The following UBR3 variants were observed in gnomAD, a reference collection of about 807,000 sequenced individuals.
UBR3 encodes the protein ubiquitin protein ligase E3 component n-recognin 3, also known as E3 ubiquitin-protein ligase UBR3.
UBR3 carries 85 observed loss-of-function variants against 243.2 expected under a neutral mutation model. The observed-to-expected ratio is 0.35, with a 90% CI of 0.29 to 0.42. The LOEUF is 0.42. Among genes scored for constraint, UBR3 ranks in the 10% least tolerant of loss-of-function variants. UBR3 has a pLI of 1.00. For synonymous variants in UBR3, 748 were observed against 799.8 expected (o/e 0.94, Z 1.09); for missense variants, 1,686 against 2,300.8 (o/e 0.73, Z 5.47).
At chr2:170,023,863 A>G (rs772416348) in intron 30 of UBR3, among the ~76,000 whole-genome samples, 13 of 152,100 alleles carry the variant, frequency 8.5e-5, no homozygotes, top group Non-Finnish European at 2.9e-5. Flanking sequence ...GGCGTAAGCC[A>G]TTGTGCCCGG....
intron 32 of UBR3, among the ~76,000 whole-genome samples, chr2:170,042,733 G>A (rs1197639501): frequency 9.0e-6 from 1 of 111,016 alleles, no homozygotes; most frequent in Non-Finnish European, 2.0e-5. Flanking sequence ...TTTTTTTTTT[G>A]TGGGGGATGT....
At chr2:169,965,883 G>T (rs1316359776) in intron 24 of UBR3, among the ~76,000 whole-genome samples, 2 of 152,028 alleles carry the variant, frequency 1.3e-5, no homozygotes, top group East Asian at 1.9e-4. Context: ...CCTTTTTATT[G>T]TGTCTATATC....
At chr2:169,901,384 T>A (rs2084815812) in intron 8 of UBR3, among the ~76,000 whole-genome samples, 1 of 152,196 alleles carries the variant, frequency 6.6e-6, no homozygotes, top group African/African-American at 2.4e-5. Context: ...CTTCAAACTT[T>A]GCCATACTAT....
In UBR3 at chr2:170,036,031, T is replaced by C. The variant is rs200595503; in HGVS notation, c.4557-4851T>C. On this transcript the variant is annotated intron_variant, in intron 31 of 38. Coordinates refer to ENST00000272793, the MANE Select transcript of UBR3 (RefSeq NM_172070.4). ...ATTAATCTTGTGTCCTGTAGCCTTG[T>C]TACAATCATTTATCAGTTCCAGGAG... Among the ~76,000 whole-genome samples the C allele has an allele frequency of 4.6e-5, 7 of 152,104 alleles. No homozygotes were observed. In the East Asian group the frequency reaches 1.4e-3, roughly 29 times the overall value.
intron 32 of UBR3, among the ~76,000 whole-genome samples, chr2:170,044,047 T>TTAA (rs2091027303): frequency 6.6e-6 from 1 of 152,164 alleles, no homozygotes; most frequent in African/African-American, 2.4e-5. Flanking sequence ...CTTAATTACA[T>TTAA]TAATTTTCCA....
At chr2:169,914,277 T>C (rs951850640) in intron 11 of UBR3, 131 bp downstream of exon 11, 14 of 414,570 alleles carry the variant, frequency 3.4e-5, no homozygotes, top group Middle Eastern at 6.0e-4. Flanking sequence ...AATGAACATA[T>C]TATTAGGCTT....
At chr2:169,835,055 G>A (rs1325153485) in intron 1 of UBR3, among the ~76,000 whole-genome samples, 1 of 152,116 alleles carries the variant, frequency 6.6e-6, no homozygotes. Context: ...CAGGTACAGA[G>A]TTTCAGTTTG....
intron 5 of UBR3, among the ~76,000 whole-genome samples, chr2:169,882,065 TAATATA>T (rs1281688076): frequency 1.2e-4 from 15 of 126,504 alleles, no homozygotes; most frequent in African/African-American, 4.0e-4. Context: ...TATACACATA[TAATATA>T]ATTATATATG....
chr2:169,936,686 A>G lies in UBR3; in HGVS notation c.2663+3678A>G, dbSNP rs569695353. ...TCCCTCCCCACTCCCCCCACCCCAC[A>G]ACAGGGCCCGGTGTGTGATGTTCCC... is the stretch of plus-strand genomic sequence containing the variant. On this transcript the variant is annotated intron_variant, in intron 19 of 38. Transcript: ENST00000272793. Among the ~76,000 whole-genome samples, 1,070 of 149,528 alleles carry G rather than the reference A, an allele frequency of 7.2e-3. 8 individuals carry two copies. Among genetic ancestry groups the G allele is most frequent in the South Asian group, 0.014 (63 of 4,632 alleles).
At chr2:169,916,325 C>T (rs1396268930) in intron 11 of UBR3, among the ~76,000 whole-genome samples, 1 of 152,120 alleles carries the variant, frequency 6.6e-6, no homozygotes. Flanking sequence ...TCTATAAATA[C>T]ATATTTATGT....
intron 30 of UBR3, among the ~76,000 whole-genome samples, chr2:170,023,710 AG>A (rs1379286758): frequency 6.6e-6 from 1 of 152,158 alleles, no homozygotes; most frequent in Admixed American, 6.5e-5. Flanking sequence ...CTCCTGCCTC[AG>A]CCTCCCGAGT....
intron 26 of UBR3, among the ~76,000 whole-genome samples, chr2:169,996,722 C>G (rs1241937574): frequency 1.7e-5 from 2 of 117,490 alleles, no homozygotes; most frequent in Non-Finnish European, 3.3e-5. Flanking sequence ...TAGATAGAGT[C>G]TCACTCCATC....
At chr2:169,853,720 G>T (rs952608665) in intron 1 of UBR3, among the ~76,000 whole-genome samples, 3 of 151,968 alleles carry the variant, frequency 2.0e-5, no homozygotes, top group Non-Finnish European at 2.9e-5. Context: ...AAAGTGCTGG[G>T]ATTATAGGAG....
chr2:170,021,518 G>T (rs948961459), intron 30 of UBR3, among the ~76,000 whole-genome samples: 2 of 152,014 alleles, frequency 1.3e-5, no homozygotes, highest in African/African-American at 4.8e-5. Flanking sequence ...ATTCATGAGG[G>T]CTTCCTCGTG....
chr2:169,983,803 T>C (rs10184860), intron 24 of UBR3, among the ~76,000 whole-genome samples: 27,012 of 152,190 alleles, frequency 0.18, 2,661 homozygotes, highest in East Asian at 0.37. Flanking sequence ...ATAAATTAAC[T>C]ATTGCTTTAG....
intron 2 of UBR3, among the ~76,000 whole-genome samples, chr2:169,872,766 T>G (rs1190099405): frequency 6.6e-6 from 1 of 152,078 alleles, no homozygotes; most frequent in African/African-American, 2.4e-5. Flanking sequence ...ATCAACTTTT[T>G]TTTAGAAGTC....
chr2:169,968,036 G>A (rs2087907229), intron 24 of UBR3, among the ~76,000 whole-genome samples: 1 of 151,846 alleles, frequency 6.6e-6, no homozygotes, highest in South Asian at 2.1e-4. Flanking sequence ...CATGCAGTGT[G>A]TAGAGATACT....
At chr2:170,040,404 C>T (rs1331215852) in intron 31 of UBR3, among the ~76,000 whole-genome samples, 2 of 152,184 alleles carry the variant, frequency 1.3e-5, no homozygotes, top group Non-Finnish European at 2.9e-5. Context: ...CTGTGCTCGG[C>T]TGAAACATTT....
chr2:169,874,789 A>G (rs1037070715), intron 2 of UBR3, among the ~76,000 whole-genome samples: 44 of 152,184 alleles, frequency 2.9e-4, no homozygotes, highest in African/African-American at 1.1e-3. Context: ...TAAATGTTGA[A>G]TGAAATGGAC....
Sources: gnomAD v4.1 joint callset for allele counts (sites outside exome capture counted in the v4.1 genomes callset) on GRCh38, gnomAD v4.1.1 for gene constraint, MANE v1.5 for transcripts, NCBI Gene and HGNC (gene_info 2026-07-23, HGNC 2026-07-21) for gene names.